CTNNA3: variants seen among roughly 807,000 people sequenced by gnomAD.
CTNNA3 encodes catenin alpha 3, also known as catenin alpha-3.
CTNNA3 carries 76 observed loss-of-function variants against 95.7 expected under a neutral mutation model. The observed-to-expected ratio is 0.79, with a 90% CI of 0.66 to 0.96. The LOEUF (loss-of-function observed/expected upper bound fraction) is 0.96, where lower values mean the gene tolerates loss of function less well. Ranked by LOEUF, CTNNA3 falls within the 40% of genes least tolerant of loss-of-function variation. CTNNA3 has a pLI of 0.00. For synonymous variants in CTNNA3, 431 were observed against 374.4 expected (o/e 1.15, Z -1.74); for missense variants, 1,191 against 1,089.8 (o/e 1.09, Z -1.31).
intron 7 of CTNNA3, among the ~76,000 whole-genome samples, chr10:66,918,796 G>A (rs943879916): frequency 2.2e-4 from 34 of 152,130 alleles, no homozygotes; most frequent in African/African-American, 8.0e-4. Flanking sequence ...ATCCTGAAAT[G>A]TGCATGTGTG....
At chr10:66,978,019 G>A (rs1340096490) in intron 7 of CTNNA3, among the ~76,000 whole-genome samples, 1 of 150,806 alleles carries the variant, frequency 6.6e-6, no homozygotes, top group Non-Finnish European at 1.5e-5. Context: ...CCATACTTTA[G>A]TATAACATCA....
chr10:66,876,863 T>C (rs1013965438), intron 7 of CTNNA3, among the ~76,000 whole-genome samples: 1 of 152,170 alleles, frequency 6.6e-6, no homozygotes, highest in Non-Finnish European at 1.5e-5. Flanking sequence ...ACAGTTGTTC[T>C]GTGACATGCA....
chr10:67,056,740 T>C (rs1037977021), intron 7 of CTNNA3, among the ~76,000 whole-genome samples: 7 of 152,190 alleles, frequency 4.6e-5, no homozygotes, highest in African/African-American at 1.7e-4. Flanking sequence ...ATAATTAAAA[T>C]AGCAAGTTCA....
chr10:67,609,928 GAAT>G (rs1191467800), intron 2 of CTNNA3, among the ~76,000 whole-genome samples: 1 of 152,226 alleles, frequency 6.6e-6, no homozygotes, highest in South Asian at 2.1e-4. Context: ...GATTATATAA[GAAT>G]AATAATAAGC....
intron 12 of CTNNA3, among the ~76,000 whole-genome samples, chr10:66,295,677 A>C (rs990274054): frequency 4.6e-5 from 7 of 152,150 alleles, no homozygotes; most frequent in Non-Finnish European, 1.0e-4. Context: ...CAAATGTCGA[A>C]CTTTTTCCTC....
intron 5 of CTNNA3, among the ~76,000 whole-genome samples, chr10:67,231,643 T>C (rs1423917007): frequency 6.7e-6 from 1 of 148,422 alleles, no homozygotes; most frequent in Non-Finnish European, 1.5e-5. Flanking sequence ...GGAACACAGT[T>C]CCTCACCAGC....
chr10:66,710,154 T>G (rs1358238816), intron 9 of CTNNA3, among the ~76,000 whole-genome samples: 1 of 152,120 alleles, frequency 6.6e-6, no homozygotes, highest in African/African-American at 2.4e-5. Flanking sequence ...AAGATGTGTT[T>G]AGGGCAACAG....
At chr10:66,902,660 G>A (rs1845803985) in intron 7 of CTNNA3, among the ~76,000 whole-genome samples, 1 of 152,022 alleles carries the variant, frequency 6.6e-6, no homozygotes, top group Non-Finnish European at 1.5e-5. Context: ...AGAAAAGAGA[G>A]AAGAATCAAA....
rs190551957 is a variant in CTNNA3 at position 66,362,447 on chromosome 10, A to G, written c.1732+16705T>C. Among the ~76,000 whole-genome samples, 1,135 of 150,868 alleles carry G rather than the reference A, an allele frequency of 7.5e-3. 13 individuals carry two copies. Among genetic ancestry groups the G allele is most frequent in the Admixed American group, 0.015 (229 of 15,114 alleles). ...TTTGATAGGCCAGGTGCAGTGGCGC[A>G]TGCCTGTAATCCCAGCACTTTGGGA... On this transcript the variant is annotated intron_variant, in intron 12 of 17. Transcript: ENST00000433211.
At chr10:66,847,688 T>C (rs1425672807) in intron 7 of CTNNA3, among the ~76,000 whole-genome samples, 1 of 152,140 alleles carries the variant, frequency 6.6e-6, no homozygotes, top group Non-Finnish European at 1.5e-5. Context: ...TTATTTACCT[T>C]AGTGCAAAAT....
At chr10:66,399,130 G>T (rs551361183) in intron 11 of CTNNA3, among the ~76,000 whole-genome samples, 62 of 152,026 alleles carry the variant, frequency 4.1e-4, no homozygotes, top group African/African-American at 1.3e-3. Context: ...ATAATAATCT[G>T]GGTGACTATA....
At chr10:66,077,696 G>C (rs1240880733) in intron 14 of CTNNA3, among the ~76,000 whole-genome samples, 5 of 139,982 alleles carry the variant, frequency 3.6e-5, no homozygotes, top group African/African-American at 1.4e-4. Flanking sequence ...GTGGTGATCT[G>C]TATGGAGCCC....
intron 9 of CTNNA3, among the ~76,000 whole-genome samples, chr10:66,670,880 C>T (rs1383928018): frequency 6.6e-6 from 1 of 152,174 alleles, no homozygotes; most frequent in Non-Finnish European, 1.5e-5. Context: ...GTCTATGAAA[C>T]ATAACATTTC....
At chr10:65,988,553 A>G (rs750894501) in intron 16 of CTNNA3, 139 bp downstream of exon 16, 5 of 612,258 alleles carry the variant, frequency 8.2e-6, no homozygotes, top group Non-Finnish European at 1.4e-5. Context: ...TAGTGTATTA[A>G]TAGAGCTATT....
At chr10:67,404,600 A>G (rs899143139) in intron 5 of CTNNA3, among the ~76,000 whole-genome samples, 5 of 152,182 alleles carry the variant, frequency 3.3e-5, no homozygotes, top group Non-Finnish European at 7.3e-5. Flanking sequence ...CCTGAAAAAG[A>G]TGAGGAGAAT....
intron 7 of CTNNA3, among the ~76,000 whole-genome samples, chr10:67,018,948 T>C (rs1422155381): frequency 6.6e-6 from 1 of 152,240 alleles, no homozygotes; most frequent in Non-Finnish European, 1.5e-5. Context: ...AGACAAACTC[T>C]GATTTTCAGT....
chr10:67,101,603 A>G (rs1858347838), intron 7 of CTNNA3, among the ~76,000 whole-genome samples: 1 of 151,812 alleles, frequency 6.6e-6, no homozygotes, highest in Admixed American at 6.6e-5. Flanking sequence ...GGAAAACCAC[A>G]AAACTATACA....
rs201194963 is a variant in CTNNA3, at chr10:66,508,021, TA to T, written c.1531+12595del. ...TCCACATCCTTGTTAGCATTTTTTT[TA>T]AATCATTTCCTTTCATTTAGATTCT... On this transcript the variant is annotated intron_variant, in intron 11 of 17. Transcript: ENST00000433211. Among the ~76,000 whole-genome samples the T allele has an allele frequency of 2.2e-4, 34 of 152,164 alleles. 1 individual carries two copies. Among genetic ancestry groups the T allele is most frequent in the African/African-American group, 7.5e-4 (31 of 41,528 alleles).
chr10:67,301,337 C>T lies in CTNNA3; in HGVS notation c.580-81467G>A, dbSNP rs1840259597. Among the ~76,000 whole-genome samples the T allele has an allele frequency of 2.0e-5, 3 of 151,964 alleles. No individual in the cohort carries two copies. The South Asian group carries it at 6.3e-4, about 32-fold the overall frequency. On this transcript the variant is annotated intron_variant, in intron 5 of 17. Coordinates refer to ENST00000433211, the MANE Select transcript of CTNNA3 (RefSeq NM_013266.4). ...TCATACCTGTTAGAATGGTTTTTATCAAAAAGATGGAAGATAAGTATAGGA... is the reference window on the plus strand; with the variant it reads ...TCATACCTGTTAGAATGGTTTTTATTAAAAAGATGGAAGATAAGTATAGGA...
Sources: allele counts gnomAD v4.1 joint callset (sites outside exome capture counted in the v4.1 genomes callset), GRCh38; gene constraint gnomAD v4.1.1; transcripts MANE v1.5; gene names NCBI Gene and HGNC (gene_info 2026-07-23, HGNC 2026-07-21).